The following FSTL5 variants were observed in gnomAD, a reference collection of about 807,000 sequenced individuals.
FSTL5 encodes follistatin-related protein 5.
Under a neutral mutation model 89.1 loss-of-function variants are expected in FSTL5, and 62 were observed. The ratio of observed to expected loss-of-function variants is 0.70; its 90% confidence interval spans 0.57 to 0.86. The LOEUF is 0.86. Among genes scored for constraint, FSTL5 ranks in the 40% least tolerant of loss-of-function variants. The pLI is 0.00. For synonymous variants in FSTL5, 383 were observed against 346.2 expected (o/e 1.11, Z -1.18); for missense variants, 1,057 against 1,001.6 (o/e 1.06, Z -0.75).
At chr4:161,615,589 G>T (rs935202283) in intron 7 of FSTL5, among the ~76,000 whole-genome samples, 1 of 151,756 alleles carries the variant, frequency 6.6e-6, no homozygotes, top group East Asian at 1.9e-4. Flanking sequence ...TTTATCAAAT[G>T]GTATAACTAT....
chr4:161,598,231 T>G (rs934732067), intron 7 of FSTL5, among the ~76,000 whole-genome samples: 4 of 151,878 alleles, frequency 2.6e-5, no homozygotes, highest in African/African-American at 9.7e-5. Context: ...AAAAATTAGC[T>G]GGGTGTGGTG....
At chr4:161,958,570 A>T (rs1352518858) in intron 3 of FSTL5, among the ~76,000 whole-genome samples, 1 of 152,134 alleles carries the variant, frequency 6.6e-6, no homozygotes, top group Non-Finnish European at 1.5e-5. Context: ...AATTTGGCCC[A>T]CTAATGAGGC....
At chr4:161,426,067 T>C (rs1479550645) in intron 15 of FSTL5, among the ~76,000 whole-genome samples, 1 of 152,168 alleles carries the variant, frequency 6.6e-6, no homozygotes, top group Non-Finnish European at 1.5e-5. Flanking sequence ...TTCTAGTTAA[T>C]ATCTCAATCC....
chr4:161,439,390 T>C (rs951132631), intron 15 of FSTL5, among the ~76,000 whole-genome samples: 1 of 152,196 alleles, frequency 6.6e-6, no homozygotes, highest in Non-Finnish European at 1.5e-5. Context: ...AAGATTTACA[T>C]GTAGCACTCC....
chr4:162,157,583 A>G (rs1561051282), intron 1 of FSTL5, among the ~76,000 whole-genome samples: 2 of 152,158 alleles, frequency 1.3e-5, no homozygotes, highest in East Asian at 1.9e-4. Flanking sequence ...AAAAATTCCA[A>G]GATTAAAAAC....
intron 3 of FSTL5, among the ~76,000 whole-genome samples, chr4:161,977,628 A>T (rs560496683): frequency 0.29 from 35,342 of 123,318 alleles, 6,052 homozygotes; most frequent in Non-Finnish European, 0.36. Flanking sequence ...AAAAAAAAAA[A>T]AAAAAAAAAA....
chr4:161,672,854 C>T (rs1195381139), intron 6 of FSTL5, among the ~76,000 whole-genome samples: 1 of 151,874 alleles, frequency 6.6e-6, no homozygotes, highest in Non-Finnish European at 1.5e-5. Flanking sequence ...GCCAGGAATA[C>T]ATCTTTTCTA....
Position 161,771,696 on chromosome 4 carries a change from C to T in FSTL5, c.606+4182G>A, listed in dbSNP as rs1360100840. Among the ~76,000 whole-genome samples, 3 of 152,044 alleles carry T rather than the reference C, an allele frequency of 2.0e-5. No individual in the cohort carries two copies. In the East Asian group the frequency reaches 5.8e-4, roughly 29 times the overall value. The stretch of plus-strand genomic sequence containing the variant: ...CAGTTATAACCTGTTTTAATCCTTC[C>T]ATATGTTTGATTGATACTAAGTGTT... On this transcript the variant is annotated intron_variant, in intron 5 of 15. Transcript: ENST00000306100.
rs1260732086 is a variant in FSTL5 at position 161,489,283 on chromosome 4, C to G, written c.1459-8114G>C. On this transcript the variant is annotated intron_variant, in intron 12 of 15. Transcript: ENST00000306100. ...GGGAAGGTCCAGGGGCCATTAGACACTGAGAACAGGAGAGGCAGGCACTTA... is the reference window on the plus strand; with the variant it reads ...GGGAAGGTCCAGGGGCCATTAGACAGTGAGAACAGGAGAGGCAGGCACTTA... Among the ~76,000 whole-genome samples, 4 of 151,980 alleles carry G rather than the reference C, an allele frequency of 2.6e-5. No homozygotes were observed. In the East Asian group the frequency reaches 7.7e-4, roughly 29 times the overall value.
intron 4 of FSTL5, among the ~76,000 whole-genome samples, chr4:161,841,315 C>T (rs551482238): frequency 6.6e-6 from 1 of 152,104 alleles, no homozygotes; most frequent in African/African-American, 2.4e-5. Flanking sequence ...ATTTCTTAGC[C>T]ATGTCTCATA....
At chr4:161,975,005 C>G (rs1735592260) in intron 3 of FSTL5, among the ~76,000 whole-genome samples, 1 of 133,042 alleles carries the variant, frequency 7.5e-6, no homozygotes, top group Non-Finnish European at 1.6e-5. Context: ...TGAAAAAATG[C>G]TCATCATCAC....
rs547140369 is a variant in FSTL5 at position 162,003,143 on chromosome 4, C to CAA, written c.160+30480_160+30481dup. Among the ~76,000 whole-genome samples the CAA allele has an allele frequency of 7.1e-3, 1,067 of 149,944 alleles. 15 individuals are homozygous for CAA. Among genetic ancestry groups the CAA allele is most frequent in the African/African-American group, 0.024 (996 of 40,858 alleles). ...TGGGGGACAGAGCAAGACTCCGTCT[C>CAA]AAAAAAAAAGAAATTAGCAGAAGCC... On this transcript the variant is annotated intron_variant, in intron 3 of 15. Coordinates refer to ENST00000306100, the MANE Select transcript of FSTL5 (RefSeq NM_020116.5).
At chr4:161,683,678 C>T (rs1251353957) in intron 6 of FSTL5, among the ~76,000 whole-genome samples, 1 of 152,072 alleles carries the variant, frequency 6.6e-6, no homozygotes, top group East Asian at 1.9e-4. Context: ...TATATCATTA[C>T]ATGCATGCAT....
At chr4:161,887,677 A>G (rs376627737) in intron 4 of FSTL5, among the ~76,000 whole-genome samples, 1 of 152,158 alleles carries the variant, frequency 6.6e-6, no homozygotes, top group Non-Finnish European at 1.5e-5. Flanking sequence ...ATGTAAGTAT[A>G]ATTCATAGAT....
chr4:161,751,913 T>C (rs1740405030), intron 6 of FSTL5, among the ~76,000 whole-genome samples: 2 of 152,212 alleles, frequency 1.3e-5, no homozygotes, highest in Non-Finnish European at 2.9e-5. Context: ...TTTCATATTA[T>C]AATGATCTGT....
intron 7 of FSTL5, among the ~76,000 whole-genome samples, chr4:161,640,407 G>A (rs181440815): frequency 6.6e-6 from 1 of 152,098 alleles, no homozygotes; most frequent in Admixed American, 6.5e-5. Context: ...AAGAACTAAG[G>A]AAGATGTGAA....
At chr4:162,062,557 T>A (rs1738754916) in intron 2 of FSTL5, among the ~76,000 whole-genome samples, 1 of 151,790 alleles carries the variant, frequency 6.6e-6, no homozygotes, top group South Asian at 2.1e-4. Context: ...TTCACAGGCC[T>A]GACATTTCCC....
At chr4:162,078,804 T>C (rs1729971666) in intron 2 of FSTL5, among the ~76,000 whole-genome samples, 1 of 151,772 alleles carries the variant, frequency 6.6e-6, no homozygotes, top group African/African-American at 2.4e-5. Flanking sequence ...GCACAAAACA[T>C]CTGTCTGAAA....
At chr4:161,392,340 C>A (rs1204067161) in intron 15 of FSTL5, among the ~76,000 whole-genome samples, 3 of 151,882 alleles carry the variant, frequency 2.0e-5, no homozygotes, top group Non-Finnish European at 4.4e-5. Context: ...GGAATCCCTG[C>A]CTCAAACTCC....
Sources: gnomAD v4.1 joint callset for allele counts (sites outside exome capture counted in the v4.1 genomes callset) on GRCh38, gnomAD v4.1.1 for gene constraint, MANE v1.5 for transcripts, NCBI Gene and HGNC (gene_info 2026-07-23, HGNC 2026-07-21) for gene names.